Variants in PTCHD4 observed in about 807,000 individuals in gnomAD.
PTCHD4 encodes the protein patched domain containing 4, also known as patched domain-containing protein 4.
Under a neutral mutation model 58.1 loss-of-function variants are expected in PTCHD4, and 33 were observed. That is an observed-to-expected ratio of 0.57 (90% CI 0.43 to 0.76). The LOEUF (loss-of-function observed/expected upper bound fraction) is 0.76, where lower values mean the gene tolerates loss of function less well. Ranked by LOEUF, PTCHD4 falls within the 30% of genes least tolerant of loss-of-function variation. The probability of loss-of-function intolerance (pLI) is 0.00; values close to 1 mark genes in which losing one functional copy is unlikely to be tolerated. For synonymous variants in PTCHD4, 478 were observed against 409.6 expected (o/e 1.17, Z -2.02); for missense variants, 1,058 against 1,027.1 (o/e 1.03, Z -0.41).
intron 4 of PTCHD4, among the ~76,000 whole-genome samples, chr6:47,936,599 C>T (rs1384196654): frequency 2.6e-5 from 4 of 152,066 alleles, no homozygotes; most frequent in Non-Finnish European, 5.9e-5. Context: ...TTTCCTATAT[C>T]CCAGTGAAGT....
rs1562054031 is a variant in PTCHD4 at position 48,111,094 on chromosome 6, T to C, written c.-1015A>G. Among the ~76,000 whole-genome samples, 2 of 152,124 alleles carry C rather than the reference T, an allele frequency of 1.3e-5. No individual in the cohort carries two copies. The highest frequency in any genetic ancestry group is 1.3e-4 in the Admixed American group (2 of 15,252). ...TTGGCGCATGGAGGCAACAACAGAA[T>C]TGGAGAGTGAGAGGGGATTTCTTTT... On this transcript the variant is annotated 5_prime_UTR_variant, in exon 1 of 5. Transcript: ENST00000339488.
At chr6:48,009,718 C>T (rs1762600983) in intron 3 of PTCHD4, among the ~76,000 whole-genome samples, 1 of 152,120 alleles carries the variant, frequency 6.6e-6, no homozygotes, top group Non-Finnish European at 1.5e-5. Context: ...TGAAATATTT[C>T]CTAAATATGA....
chr6:48,077,869 A>G lies in PTCHD4; in HGVS notation c.-969-7943T>C, dbSNP rs895774168. Among the ~76,000 whole-genome samples, 5 of 152,192 alleles carry G rather than the reference A, an allele frequency of 3.3e-5. 1 individual carries two copies. In the South Asian group the frequency reaches 6.2e-4, roughly 19 times the overall value. ...GTGCAGTTTAAGGCACCCCAAAACA[A>G]TTACAATAGTACCATCAAAGACCAC... On this transcript the variant is annotated intron_variant, in intron 1 of 4. Coordinates refer to ENST00000339488, the MANE Select transcript of PTCHD4 (RefSeq NM_001384253.1).
chr6:47,928,551 T>C (rs1765703506), intron 4 of PTCHD4, among the ~76,000 whole-genome samples: 1 of 152,216 alleles, frequency 6.6e-6, no homozygotes, highest in African/African-American at 2.4e-5. Context: ...TTAATTGACA[T>C]TCTTTCTGTA....
intron 4 of PTCHD4, among the ~76,000 whole-genome samples, chr6:47,887,244 T>C (rs889491512): frequency 1.3e-5 from 2 of 149,564 alleles, no homozygotes; most frequent in Non-Finnish European, 3.0e-5. Flanking sequence ...TGTAATTTAC[T>C]CTATACATTT....
chr6:47,880,451 G>A (rs1268350744), intron 4 of PTCHD4, among the ~76,000 whole-genome samples: 1 of 152,000 alleles, frequency 6.6e-6, no homozygotes, highest in Non-Finnish European at 1.5e-5. Flanking sequence ...ATTTTATAAT[G>A]TTGATAATCT....
intron 1 of PTCHD4, among the ~76,000 whole-genome samples, chr6:48,083,943 G>A (rs2113896017): frequency 6.6e-6 from 1 of 152,168 alleles, no homozygotes; most frequent in South Asian, 2.1e-4. Flanking sequence ...ACTCAGTTAA[G>A]CCACATTATA....
chr6:48,042,048 G>C (rs1264180639), intron 3 of PTCHD4, among the ~76,000 whole-genome samples: 2 of 152,020 alleles, frequency 1.3e-5, no homozygotes, highest in East Asian at 3.9e-4. Context: ...AAAACAAACA[G>C]ACTAGCCTCC....
chr6:48,039,141 C>A (rs1337912151), intron 3 of PTCHD4, among the ~76,000 whole-genome samples: 1 of 152,008 alleles, frequency 6.6e-6, no homozygotes, highest in African/African-American at 2.4e-5. Context: ...AAAGAGCAGA[C>A]AATGCAAATG....
chr6:47,941,180 C>A (rs1187190364), intron 4 of PTCHD4, among the ~76,000 whole-genome samples: 1 of 152,150 alleles, frequency 6.6e-6, no homozygotes, highest in South Asian at 2.1e-4. Flanking sequence ...TGATTAAAGT[C>A]CACCAATGAG....
In PTCHD4 at chr6:47,864,167, C is replaced by A. The variant is rs545109143; in HGVS notation, c.*14136G>T. Among the ~76,000 whole-genome samples, 1 of 152,016 alleles carries A rather than the reference C, an allele frequency of 6.6e-6. No individual in the cohort carries two copies. Among genetic ancestry groups the A allele is most frequent in the East Asian group, 1.9e-4 (1 of 5,130 alleles). ...CTTGTTAGAAATGTAAATTTTCAGGCCTCACTCCAGATCTATTGAATCAGA... is the reference window on the plus strand; with the variant it reads ...CTTGTTAGAAATGTAAATTTTCAGGACTCACTCCAGATCTATTGAATCAGA... On this transcript the variant is annotated 3_prime_UTR_variant, in exon 5 of 5. Transcript: ENST00000339488.
At chr6:48,084,536 G>A (rs1198264622) in intron 1 of PTCHD4, among the ~76,000 whole-genome samples, 4 of 152,108 alleles carry the variant, frequency 2.6e-5, no homozygotes, top group Middle Eastern at 3.4e-3. Flanking sequence ...AATGCATATA[G>A]AACATTTGAC....
In PTCHD4 at chr6:48,024,423, T is replaced by C. The variant is rs554069898; in HGVS notation, c.418-15309A>G. On this transcript the variant is annotated intron_variant, in intron 3 of 4. Coordinates refer to ENST00000339488, the MANE Select transcript of PTCHD4 (RefSeq NM_001384253.1). The stretch of plus-strand genomic sequence containing the variant: ...GAACTTGCTCTTAGGTCAACACATG[T>C]TTGAAAGGCAGACTCTGCCTGGTAA... Among the ~76,000 whole-genome samples the C allele has an allele frequency of 2.0e-5, 3 of 152,206 alleles. No individual in the cohort carries two copies. The South Asian group carries it at 6.2e-4, about 32-fold the overall frequency.
intron 4 of PTCHD4, among the ~76,000 whole-genome samples, chr6:47,957,605 T>A (rs1561977653): frequency 6.6e-6 from 1 of 150,928 alleles, no homozygotes; most frequent in Non-Finnish European, 1.5e-5. Context: ...TTTTTATTTT[T>A]ATTTTTTTTT....
intron 3 of PTCHD4, among the ~76,000 whole-genome samples, chr6:48,052,073 G>C (rs574064046): frequency 5.3e-5 from 8 of 152,134 alleles, no homozygotes; most frequent in Non-Finnish European, 1.0e-4. Flanking sequence ...TGTAAGCACA[G>C]AATACATCTC....
chr6:47,934,080 T>G (rs1027474893), intron 4 of PTCHD4, among the ~76,000 whole-genome samples: 15 of 152,188 alleles, frequency 9.9e-5, no homozygotes, highest in African/African-American at 3.4e-4. Context: ...CTCATGAAAC[T>G]ATTCCATTGA....
At chr6:47,881,459 C>A (rs74356029) in intron 4 of PTCHD4, among the ~76,000 whole-genome samples, 9,388 of 152,216 alleles carry the variant, frequency 0.062, 427 homozygotes, top group Non-Finnish European at 0.098. Context: ...AACCAGAGGG[C>A]ATTTTGTTTG....
intron 4 of PTCHD4, among the ~76,000 whole-genome samples, chr6:47,885,522 G>GT (rs150049996): frequency 0.05 from 7,583 of 152,160 alleles, 636 homozygotes; most frequent in African/African-American, 0.17. Context: ...ATATTTAAGT[G>GT]TTTTTAAATT....
intron 3 of PTCHD4, among the ~76,000 whole-genome samples, chr6:48,048,534 A>G (rs887686013): frequency 6.6e-6 from 1 of 151,926 alleles, no homozygotes; most frequent in African/African-American, 2.4e-5. Flanking sequence ...GTTAGCAAAT[A>G]ACATTTTTTC....
Sources: gnomAD v4.1 joint callset for allele counts (sites outside exome capture counted in the v4.1 genomes callset) on GRCh38, gnomAD v4.1.1 for gene constraint, MANE v1.5 for transcripts, NCBI Gene and HGNC (gene_info 2026-07-23, HGNC 2026-07-21) for gene names.